LACTB2: variants seen among roughly 807,000 people sequenced by gnomAD.
LACTB2 encodes lactamase beta 2, also known as endoribonuclease LACTB2.
Under a neutral mutation model 34.8 loss-of-function variants are expected in LACTB2, and 32 were observed. The observed-to-expected ratio is 0.92, with a 90% confidence interval of 0.69 to 1.24. The LOEUF is 1.24. Ranked by LOEUF, LACTB2 falls within the 50% of genes most tolerant of loss-of-function variation. LACTB2 has a pLI of 0.00. For missense variants in LACTB2, 320 were observed against 345.0 expected (o/e 0.93, Z 0.57); for synonymous variants, 120 against 117.5 (o/e 1.02, Z -0.14).
chr8:70,651,694 A>G (rs985325415), intron 3 of LACTB2: 2 of 152,162 alleles, frequency 1.3e-5, no homozygotes, highest in Admixed American at 1.3e-4. Context: ...TTTCTGTGAT[A>G]TAAACACAGA....
chr8:70,643,822 A>C (rs537290804), intron 4 of LACTB2, among the ~76,000 whole-genome samples: 2 of 152,226 alleles, frequency 1.3e-5, no homozygotes, highest in South Asian at 4.1e-4. Context: ...CTTATATGTT[A>C]TCTCTTCAAG....
At chr8:70,657,228 T>G (rs1027282726) in intron 3 of LACTB2, among the ~76,000 whole-genome samples, 2 of 152,160 alleles carry the variant, frequency 1.3e-5, no homozygotes. Flanking sequence ...CACTTATTTT[T>G]TAAAGTGTAA....
chr8:70,664,989 G>A (rs1371407343), intron 1 of LACTB2, among the ~76,000 whole-genome samples: 1 of 152,142 alleles, frequency 6.6e-6, no homozygotes, highest in Non-Finnish European at 1.5e-5. Context: ...TAAGTGCTTA[G>A]AATCATTATG....
chr8:70,661,240 T>C (rs1455436510), intron 2 of LACTB2: 1 of 347,600 alleles, frequency 2.9e-6, no homozygotes, highest in Non-Finnish European at 5.7e-6. Flanking sequence ...TCTAGGTATA[T>C]GATGGTGGGA....
At chr8:70,646,486 A>G (rs1818265515) in intron 3 of LACTB2, 1 of 152,246 alleles carries the variant, frequency 6.6e-6, no homozygotes, top group Non-Finnish European at 1.5e-5. Flanking sequence ...CGCAAATCAG[A>G]AAAAGACTCT....
At chr8:70,643,972 A>G in intron 4 of LACTB2, 93 bp downstream of exon 4, 2 of 1,263,562 alleles carry the variant, frequency 1.6e-6, no homozygotes, top group Non-Finnish European at 2.1e-6. Flanking sequence ...GGACTGCTTG[A>G]GGTCAGGAGT....
chr8:70,658,889 T>C (rs1326891045), intron 2 of LACTB2, among the ~76,000 whole-genome samples: 1 of 152,226 alleles, frequency 6.6e-6, no homozygotes, highest in East Asian at 1.9e-4. Context: ...TAGCCAGGTG[T>C]GGTGGTGTGC....
In LACTB2 at chr8:70,644,242, C is replaced by A; in HGVS notation, c.415G>T (p.Val139Phe). 1 of 1,550,888 alleles carries A rather than the reference C, an allele frequency of 6.4e-7. No homozygotes were observed. Among genetic ancestry groups the A allele is most frequent in the Non-Finnish European group, 8.7e-7 (1 of 1,152,518 alleles). Residue 139 changes from valine to phenylalanine, a missense_variant and splice_region_variant, in exon 4 of 7, where the codon GTT (valine) becomes TTT (phenylalanine). Transcript: ENST00000276590. ...VIKTEGATLR[V>F]LYTPGHTDDH... ...TCAGTGTGGCCAGGGGTATATAGAACTCTGGTTGAAAGAAGAAATAAGGAA... is the reference window on the plus strand; with the variant it reads ...TCAGTGTGGCCAGGGGTATATAGAAATCTGGTTGAAAGAAGAAATAAGGAA...
At chr8:70,650,342 G>T (rs1384658706) in intron 3 of LACTB2, among the ~76,000 whole-genome samples, 1 of 152,168 alleles carries the variant, frequency 6.6e-6, no homozygotes, top group Non-Finnish European at 1.5e-5. Context: ...GTAAAAAGAT[G>T]TGTGACTGTC....
At chr8:70,657,668 C>T in intron 3 of LACTB2, 88 bp downstream of exon 3, 2 of 1,281,960 alleles carry the variant, frequency 1.6e-6, no homozygotes, top group East Asian at 5.5e-5. Context: ...CCATCTCAGC[C>T]TCCCAAAATG....
intron 1 of LACTB2, among the ~76,000 whole-genome samples, chr8:70,664,468 A>T (rs1019282018): frequency 6.6e-6 from 1 of 152,186 alleles, no homozygotes; most frequent in Non-Finnish European, 1.5e-5. Flanking sequence ...AGTGTGAGTG[A>T]CCATACGACT....
intron 5 of LACTB2, among the ~76,000 whole-genome samples, chr8:70,639,402 C>T (rs1242416199): frequency 6.6e-5 from 10 of 151,964 alleles, no homozygotes; most frequent in East Asian, 3.9e-4. Context: ...TCGGGTGATC[C>T]GCCCGCCTCG....
chr8:70,655,110 CAT>C (rs1320565819), intron 3 of LACTB2, among the ~76,000 whole-genome samples: 3 of 151,746 alleles, frequency 2.0e-5, no homozygotes, highest in African/African-American at 7.3e-5. Flanking sequence ...TTAGGTTCCA[CAT>C]ATCAGTGAGA....
rs200269468 is a variant in LACTB2 at position 70,640,957 on chromosome 8, C to T, written c.686G>A (p.Arg229His). 2.0e-5 allele frequency: 32 copies of T among 1,607,786 alleles called. No individual in the cohort carries two copies. The East Asian group carries it at 2.5e-4, about 12-fold the overall frequency. ...TGTAAATGATTTCTCAAAGTTCTCA[C>T]GAAATAATGTAAGAATTTGCTGCTC... ...IREQQILTLF[R>H]ENFEKSFTVM... The change falls in exon 5 of 7, where the codon CGT (arginine) becomes CAT (histidine). Residue 229 changes from arginine (R) to histidine (H), a missense_variant. Coordinates refer to ENST00000276590, the MANE Select transcript of LACTB2 (RefSeq NM_016027.3).
chr8:70,638,729 G>C, intron 5 of LACTB2, 100 bp from the exon 6 acceptor site: 3 of 950,558 alleles, frequency 3.2e-6, no homozygotes, highest in Non-Finnish European at 4.2e-6. Context: ...TGTAGCAAAA[G>C]TTTATCTTAA....
At chr8:70,641,177 A>AGT in intron 4 of LACTB2, 127 bp from the exon 5 acceptor site, 1 of 893,392 alleles carries the variant, frequency 1.1e-6, no homozygotes, top group Non-Finnish European at 1.6e-6. Flanking sequence ...AATGTCAAAT[A>AGT]TGAACTATTT....
At chr8:70,650,767 A>G (rs895666564) in intron 3 of LACTB2, among the ~76,000 whole-genome samples, 1 of 150,658 alleles carries the variant, frequency 6.6e-6, no homozygotes, top group Non-Finnish European at 1.5e-5. Flanking sequence ...AAGAAAAAAA[A>G]AGAAACAGAT....
intron 6 of LACTB2, 23 bp from the exon 7 acceptor site, chr8:70,637,926 T>A: frequency 7.0e-7 from 1 of 1,438,802 alleles, no homozygotes; most frequent in Non-Finnish European, 9.4e-7. Context: ...AATCAGAGAG[T>A]AAAAATTTAA....
Position 70,637,751 on chromosome 8 carries a change from G to T in LACTB2, c.*109C>A, listed in dbSNP as rs1818141284. The T allele has an allele frequency of 8.9e-6, 5 of 564,682 alleles. No homozygotes were observed. Among genetic ancestry groups the T allele is most frequent in the Admixed American group, 3.8e-5 (1 of 26,066 alleles). 35.0% of individuals were successfully genotyped at this position (564,682 alleles called of 1,614,324 possible). On this transcript the variant is annotated 3_prime_UTR_variant, in exon 7 of 7. Coordinates refer to ENST00000276590, the MANE Select transcript of LACTB2 (RefSeq NM_016027.3). ...AACATTATTTTAAAGTATATCTAGG[G>T]TTATTTTTAATGTTTTATACTTTTA...
Sources: allele counts gnomAD v4.1 joint callset (sites outside exome capture counted in the v4.1 genomes callset), GRCh38; gene constraint gnomAD v4.1.1; transcripts MANE v1.5; gene names NCBI Gene and HGNC (gene_info 2026-07-23, HGNC 2026-07-21).